WDR41: variants seen among roughly 807,000 people sequenced by gnomAD.
WDR41 encodes the protein WD repeat-containing protein 41.
Under a neutral mutation model 69.3 loss-of-function variants are expected in WDR41, and 63 were observed. That is an observed-to-expected ratio of 0.91 (90% CI 0.74 to 1.12). The LOEUF is 1.12. WDR41 is among the 50% of genes most tolerant of loss of function. WDR41 has a pLI of 0.00. For missense variants in WDR41, 543 were observed against 534.5 expected (o/e 1.02, Z -0.16); for synonymous variants, 185 against 192.1 (o/e 0.96, Z 0.31).
chr5:77,441,080 C>T (rs1306468217), intron 8 of WDR41, 83 bp from the exon 9 acceptor site: 3 of 1,421,278 alleles, frequency 2.1e-6, no homozygotes, highest in Non-Finnish European at 1.9e-6. Context: ...AGTAGTAATG[C>T]CGTATAAAAC....
rs937191789 is a variant in WDR41, at chr5:77,517,642, A to G, written c.43-28070T>C. On this transcript the variant is annotated intron_variant, in intron 1 of 5. Coordinates refer to the WDR41 transcript ENST00000509971. ...TCATATTTATTGAACATATATATAT[A>G]TATATATATATATATACCAGGCTAA... is the stretch of plus-strand genomic sequence containing the variant. Among the ~76,000 whole-genome samples the G allele has an allele frequency of 2.9e-4, 22 of 75,944 alleles. 1 individual carries two copies. The highest frequency in any genetic ancestry group is 8.2e-4 in the African/African-American group (21 of 25,636). The allele number at this position is 75,944 out of a possible 152,430, so 49.8% of individuals were successfully genotyped here. A position where few individuals can be genotyped will look rare whatever the true frequency, so the allele number is the denominator to read the frequency against.
At chr5:77,517,430 CTT>C (rs1802306243) in intron 1 of WDR41, among the ~76,000 whole-genome samples, 1 of 152,072 alleles carries the variant, frequency 6.6e-6, no homozygotes. Flanking sequence ...CACTTGCAAA[CTT>C]CTTATTCTTG....
intron 12 of WDR41, among the ~76,000 whole-genome samples, chr5:77,435,255 A>C (rs935015619): frequency 6.6e-6 from 1 of 152,158 alleles, no homozygotes; most frequent in Non-Finnish European, 1.5e-5. Flanking sequence ...CATCCTACTA[A>C]ACTTCAAGGT....
intron 1 of WDR41, among the ~76,000 whole-genome samples, chr5:77,515,370 T>C (rs1210476696): frequency 6.6e-6 from 1 of 152,174 alleles, no homozygotes; most frequent in Non-Finnish European, 1.5e-5. Flanking sequence ...CCATATCTTG[T>C]CCCATCAGGA....
intron 10 of WDR41, 50 bp from the exon 11 acceptor site, chr5:77,437,474 C>A: frequency 6.7e-7 from 1 of 1,494,068 alleles, no homozygotes. Flanking sequence ...CACTGAGGGC[C>A]AATGCTAAAT....
At chr5:77,460,942 G>A (rs1017332680) in intron 4 of WDR41, among the ~76,000 whole-genome samples, 3 of 152,104 alleles carry the variant, frequency 2.0e-5, no homozygotes, top group African/African-American at 7.2e-5. Context: ...TTGGGTAAGA[G>A]AGACTGCCAA....
At chr5:77,576,260 C>G (rs1262215145) in intron 1 of WDR41, among the ~76,000 whole-genome samples, 1 of 152,134 alleles carries the variant, frequency 6.6e-6, no homozygotes, top group Non-Finnish European at 1.5e-5. Flanking sequence ...CTGGTCCTTT[C>G]CCTTACATAT....
At chr5:77,495,376 T>C (rs1339667386), upstream of WDR41, among the ~76,000 whole-genome samples, 1 of 151,728 alleles carries the variant, frequency 6.6e-6, no homozygotes, top group Non-Finnish European at 1.5e-5. Context: ...TTAAAAACCT[T>C]TAGCTGGACT....
Position 77,512,375 on chromosome 5 carries a change from T to A in WDR41, c.43-22803A>T, listed in dbSNP as rs1182250625. Among the ~76,000 whole-genome samples, 135 of 127,956 alleles carry A rather than the reference T, an allele frequency of 1.1e-3. 3 individuals are homozygous for A. The highest frequency in any genetic ancestry group is 2.8e-3 in the African/African-American group (95 of 33,408). 83.9% of individuals were successfully genotyped at this position (127,956 alleles called of 152,430 possible). On this transcript the variant is annotated intron_variant, in intron 1 of 5. Coordinates refer to the WDR41 transcript ENST00000509971. ...GAGTGAGTGTGTGTGTGTGTGTGTGTGTGTGTGTGTGTGTGTGTGTGTGTG... is the reference window on the plus strand; with the variant it reads ...GAGTGAGTGTGTGTGTGTGTGTGTGAGTGTGTGTGTGTGTGTGTGTGTGTG...
intron 5 of WDR41, 123 bp downstream of exon 5, chr5:77,458,939 A>G (rs1799934394): frequency 1.5e-6 from 1 of 653,942 alleles, no homozygotes; most frequent in Non-Finnish European, 2.7e-6. Context: ...GCAAATGACT[A>G]CAAGTGTGTG....
At chr5:77,479,677 A>G (rs1041397645) in intron 2 of WDR41, among the ~76,000 whole-genome samples, 1 of 152,194 alleles carries the variant, frequency 6.6e-6, no homozygotes, top group Non-Finnish European at 1.5e-5. Context: ...TCAATTCAAG[A>G]TGGATTAAAG....
intron 1 of WDR41, among the ~76,000 whole-genome samples, chr5:77,555,673 T>C (rs931153377): frequency 1.3e-5 from 2 of 152,136 alleles, no homozygotes; most frequent in African/African-American, 4.8e-5. Flanking sequence ...TGCCTAGAAA[T>C]GAATCTAACA....
At chr5:77,511,923 G>A (rs1802209719) in intron 1 of WDR41, among the ~76,000 whole-genome samples, 1 of 151,610 alleles carries the variant, frequency 6.6e-6, no homozygotes, top group Non-Finnish European at 1.5e-5. Context: ...TCCTAAATCA[G>A]TAATCAGTAA....
intron 4 of WDR41, among the ~76,000 whole-genome samples, chr5:77,461,724 G>A: frequency 6.6e-6 from 1 of 151,988 alleles, no homozygotes. Context: ...TGTAGTCCCA[G>A]CTACTTGGGT....
At chr5:77,586,435 T>G (rs1744040210) in intron 1 of WDR41, among the ~76,000 whole-genome samples, 1 of 152,082 alleles carries the variant, frequency 6.6e-6, no homozygotes, top group Admixed American at 6.6e-5. Flanking sequence ...GCCTCTCCAG[T>G]AATTGAAACT....
chr5:77,452,216 T>C (rs1799655800), intron 6 of WDR41: 1 of 152,136 alleles, frequency 6.6e-6, no homozygotes, highest in African/African-American at 2.4e-5. Flanking sequence ...TATTTTCCCA[T>C]GTACAAGAAG....
chr5:77,437,125 TCTTA>T, intron 11 of WDR41, among the ~76,000 whole-genome samples: 1 of 152,304 alleles, frequency 6.6e-6, no homozygotes, highest in East Asian at 1.9e-4. Context: ...AAAATCTCTA[TCTTA>T]CTTGAAATGA....
chr5:77,550,451 TC>T (rs1211139486), intron 1 of WDR41, among the ~76,000 whole-genome samples: 4 of 151,978 alleles, frequency 2.6e-5, no homozygotes, highest in Admixed American at 2.6e-4. Flanking sequence ...AACAGACACT[TC>T]CCAAAAGAAG....
chr5:77,615,687 C>CA (rs10695519), intron 1 of WDR41, among the ~76,000 whole-genome samples: 26,967 of 79,326 alleles, frequency 0.34, 4,869 homozygotes, highest in South Asian at 0.38. Flanking sequence ...TACTGCAAGT[C>CA]AAAAAAAAAA....
Sources: gnomAD v4.1 joint callset for allele counts (sites outside exome capture counted in the v4.1 genomes callset) on GRCh38, gnomAD v4.1.1 for gene constraint, MANE v1.5 for transcripts, NCBI Gene and HGNC (gene_info 2026-07-23, HGNC 2026-07-21) for gene names.